Variants in SOX5 observed in about 807,000 individuals in gnomAD.
SOX5 encodes transcription factor SOX-5.
SOX5 carries 9 observed loss-of-function variants against 92.0 expected under a neutral mutation model. The observed-to-expected ratio is 0.10, with a 90% confidence interval of 0.06 to 0.17. SOX5 has a LOEUF of 0.17. SOX5 is among the 10% of genes least tolerant of loss of function. The probability of loss-of-function intolerance (pLI) is 1.00; values close to 1 mark genes in which losing one functional copy is unlikely to be tolerated. For missense variants in SOX5, 642 were observed against 944.5 expected (o/e 0.68, Z 4.20); for synonymous variants, 344 against 336.3 (o/e 1.02, Z -0.25).
chr12:24,158,028 C>T (rs1275613210), intron 4 of SOX5, among the ~76,000 whole-genome samples: 3 of 151,984 alleles, frequency 2.0e-5, no homozygotes, highest in Non-Finnish European at 2.9e-5. Context: ...GTCTTGAAGA[C>T]TCAGGTTAGA....
At chr12:23,763,675 A>T (rs1206804919) in intron 3 of SOX5, among the ~76,000 whole-genome samples, 1 of 151,910 alleles carries the variant, frequency 6.6e-6, no homozygotes, top group Non-Finnish European at 1.5e-5. Context: ...TTTGTTTGAC[A>T]GTTGTCTTTC....
intron 4 of SOX5, among the ~76,000 whole-genome samples, chr12:24,112,570 G>T (rs545894047): frequency 3.5e-5 from 4 of 112,962 alleles, no homozygotes; most frequent in Admixed American, 2.7e-4. Flanking sequence ...TCGCTCTGTT[G>T]TCCAGGCTAG....
At chr12:24,127,321 G>A (rs1036049487) in intron 4 of SOX5, among the ~76,000 whole-genome samples, 1 of 151,448 alleles carries the variant, frequency 6.6e-6, no homozygotes, top group East Asian at 1.9e-4. Context: ...AGCCCAGGAG[G>A]TGGGTTCAGC....
chr12:23,823,391 T>C (rs1356962998), intron 3 of SOX5, among the ~76,000 whole-genome samples: 1 of 152,232 alleles, frequency 6.6e-6, no homozygotes, highest in African/African-American at 2.4e-5. Flanking sequence ...TTTGGCTGGA[T>C]ATGAAATTCT....
At chr12:23,902,832 C>G (rs2097251060) in intron 1 of SOX5, among the ~76,000 whole-genome samples, 1 of 152,088 alleles carries the variant, frequency 6.6e-6, no homozygotes, top group South Asian at 2.1e-4. Context: ...ATATTCTAAT[C>G]CTCTACACCA....
chr12:23,933,498 CAAATAAA>C (rs1569099399), intron 1 of SOX5, among the ~76,000 whole-genome samples: 2 of 151,514 alleles, frequency 1.3e-5, no homozygotes, highest in Admixed American at 1.3e-4. Context: ...TCTAAATGTG[CAAATAAA>C]TCATGAGAAA....
At chr12:24,253,961 A>G (rs771625807) in intron 3 of SOX5, among the ~76,000 whole-genome samples, 1 of 152,180 alleles carries the variant, frequency 6.6e-6, no homozygotes, top group Non-Finnish European at 1.5e-5. Context: ...AGATGATGGT[A>G]ATAGTAAGTA....
At position 23,531,420 on chromosome 12, in the gene SOX5, C is replaced by G. The variant is rs1474604541; in HGVS notation, c.*2799G>C. On this transcript the variant is annotated 3_prime_UTR_variant, in exon 15 of 15. Coordinates refer to ENST00000451604, the MANE Select transcript of SOX5 (RefSeq NM_006940.6). Reference sequence around the variant, plus strand: ...TCGGTAAGTGTGTTAGAATTGATTTCAGCCATGAATGCCTTCAATGGCATC... The same window carrying G: ...TCGGTAAGTGTGTTAGAATTGATTTGAGCCATGAATGCCTTCAATGGCATC... The G allele has an allele frequency of 6.6e-6, 1 of 152,154 alleles. No individual in the cohort carries two copies. The highest frequency in any genetic ancestry group is 2.4e-5 in the African/African-American group (1 of 41,450). 9.4% of individuals were successfully genotyped at this position (152,154 alleles called of 1,614,324 possible). A position where few individuals can be genotyped will look rare whatever the true frequency, so the allele number is the denominator to read the frequency against.
intron 2 of SOX5, among the ~76,000 whole-genome samples, chr12:24,286,204 T>C (rs1322364333): frequency 1.3e-5 from 2 of 152,152 alleles, no homozygotes; most frequent in African/African-American, 2.4e-5. Context: ...AAAAAGGGAA[T>C]ACAGTTAATA....
chr12:23,784,891 A>G (rs796453448), intron 3 of SOX5, among the ~76,000 whole-genome samples: 15 of 152,246 alleles, frequency 9.9e-5, no homozygotes, highest in African/African-American at 3.4e-4. Flanking sequence ...AGCCTGGGCA[A>G]CATAGCAAGA....
At chr12:23,585,350 G>C (rs1950576784) in intron 9 of SOX5, among the ~76,000 whole-genome samples, 1 of 152,130 alleles carries the variant, frequency 6.6e-6, no homozygotes, top group Non-Finnish European at 1.5e-5. Flanking sequence ...ACTCAGAGAT[G>C]TCTGCTAACA....
intron 2 of SOX5, among the ~76,000 whole-genome samples, chr12:23,855,281 CT>C (rs1484432420): frequency 6.6e-6 from 1 of 151,690 alleles, no homozygotes; most frequent in African/African-American, 2.4e-5. Flanking sequence ...ACAAACTTTT[CT>C]TTTGTTTTTA....
intron 6 of SOX5, among the ~76,000 whole-genome samples, chr12:23,683,304 C>T (rs901099774): frequency 3.3e-5 from 5 of 151,796 alleles, no homozygotes; most frequent in African/African-American, 4.8e-5. Context: ...TTCTTCAGTA[C>T]ATTCCATTTT....
intron 9 of SOX5, among the ~76,000 whole-genome samples, chr12:23,591,359 G>A (rs1266456618): frequency 1.3e-5 from 2 of 151,942 alleles, no homozygotes; most frequent in African/African-American, 2.4e-5. Context: ...GCCTATTAGG[G>A]GCCAGCTACT....
intron 3 of SOX5, among the ~76,000 whole-genome samples, chr12:23,807,414 G>A (rs942370866): frequency 6.6e-5 from 10 of 152,146 alleles, no homozygotes; most frequent in African/African-American, 2.4e-4. Flanking sequence ...AGAAGAAGGT[G>A]GCCATTTGAA....
chr12:24,365,600 G>GA (rs1241754942), intron 2 of SOX5, among the ~76,000 whole-genome samples: 3 of 142,298 alleles, frequency 2.1e-5, no homozygotes, highest in South Asian at 2.2e-4. Context: ...TGGATAAGAA[G>GA]AAAAAAAATC....
chr12:23,793,921 C>T (rs35070770), intron 3 of SOX5, among the ~76,000 whole-genome samples: 15,956 of 152,230 alleles, frequency 0.1, 1,022 homozygotes, highest in Non-Finnish European at 0.15. Flanking sequence ...TTTACACTAA[C>T]TTTCCCAAGA....
At chr12:24,432,403 A>G (rs1198596272) in intron 1 of SOX5, among the ~76,000 whole-genome samples, 2 of 152,220 alleles carry the variant, frequency 1.3e-5, no homozygotes, top group Non-Finnish European at 2.9e-5. Flanking sequence ...ACCTAGCATT[A>G]TATTATCCCA....
At chr12:23,673,381 T>C (rs984743864) in intron 6 of SOX5, among the ~76,000 whole-genome samples, 1 of 152,166 alleles carries the variant, frequency 6.6e-6, no homozygotes, top group Non-Finnish European at 1.5e-5. Flanking sequence ...TTGACCACAA[T>C]ACAGCATGGT....
Sources: allele counts gnomAD v4.1 joint callset (sites outside exome capture counted in the v4.1 genomes callset), GRCh38; gene constraint gnomAD v4.1.1; transcripts MANE v1.5; gene names NCBI Gene and HGNC (gene_info 2026-07-23, HGNC 2026-07-21).